The following MTUS1 variants were observed in gnomAD, a reference collection of about 807,000 sequenced individuals.
MTUS1 encodes the protein microtubule-associated tumor suppressor 1.
Under a neutral mutation model 120.8 loss-of-function variants are expected in MTUS1, and 109 were observed. That is an observed-to-expected ratio of 0.90 (90% CI 0.77 to 1.06). MTUS1 has a LOEUF of 1.06. MTUS1 is among the 50% of genes least tolerant of loss of function. MTUS1 has a pLI of 0.00. For missense variants in MTUS1, 2,210 were observed against 1,486.3 expected (o/e 1.49, Z -8.01); for synonymous variants, 737 against 550.5 (o/e 1.34, Z -4.74).
chr8:17,653,290 C>T lies in MTUS1; in HGVS notation c.3289-9G>A, dbSNP rs368921953. The T allele has an allele frequency of 3.9e-6, 6 of 1,537,768 alleles. No homozygotes were observed. The African/African-American group carries it at 5.6e-5, about 14-fold the overall frequency. Reference sequence around the variant, plus strand: ...AGATCATTGATTTGCTTCTAAAACACAATGAAATGTGGAACTTAAGTTAAC... The same window carrying T: ...AGATCATTGATTTGCTTCTAAAACATAATGAAATGTGGAACTTAAGTTAAC... On this transcript the variant is annotated splice_polypyrimidine_tract_variant and intron_variant, in intron 11 of 14. Transcript: ENST00000693296.
Position 17,647,038 on chromosome 8 carries a change from G to A in MTUS1, c.3543C>T (p.Phe1181=). 6.2e-7 allele frequency: 1 copy of A among 1,613,830 alleles called. No individual in the cohort carries two copies. Among genetic ancestry groups the A allele is most frequent in the Non-Finnish European group, 8.5e-7 (1 of 1,179,948 alleles). The part of the protein sequence containing the change: ...NTALVDKLKR[F]QQENEELKAR... ...CTTTCAATTCTTCATTCTCCTGCTG[G>A]AAACGCTTCAATTTGTCAACCAATG... The change falls in exon 14 of 15, where the codon TTC becomes TTT. Residue 1181 remains phenylalanine, a synonymous_variant. Transcript: ENST00000693296.
intron 1 of MTUS1, among the ~76,000 whole-genome samples, chr8:17,773,200 C>T (rs1466336224): frequency 2.0e-5 from 3 of 152,156 alleles, no homozygotes; most frequent in African/African-American, 7.2e-5. Flanking sequence ...AAATAAAAGA[C>T]TGTATTAAAC....
intron 3 of MTUS1, among the ~76,000 whole-genome samples, chr8:17,738,483 C>CA (rs2047083887): frequency 6.6e-6 from 1 of 152,190 alleles, no homozygotes; most frequent in Non-Finnish European, 1.5e-5. Context: ...GAAGGCGGGT[C>CA]TCTCTAAAGA....
rs191908235 is a variant in MTUS1, at chr8:17,759,096, T to A, written c.-154-3135A>T. 3.2e-3 allele frequency among the ~76,000 whole-genome samples: 488 copies of A among 151,786 alleles called. 4 individuals carry two copies. The highest frequency in any genetic ancestry group is 0.011 in the African/African-American group (463 of 41,404). On this transcript the variant is annotated intron_variant, in intron 1 of 14. Coordinates refer to ENST00000693296, the MANE Select transcript of MTUS1 (RefSeq NM_001363059.2). Reference sequence around the variant, plus strand: ...TGGTGTTCCACTGTGTTAGCCAGCATGGTCTTGATCTCCTGACCTCGTGAT... The same window carrying A: ...TGGTGTTCCACTGTGTTAGCCAGCAAGGTCTTGATCTCCTGACCTCGTGAT...
intron 1 of MTUS1, among the ~76,000 whole-genome samples, chr8:17,796,849 C>G (rs1420625178): frequency 5.3e-5 from 8 of 152,184 alleles, no homozygotes; most frequent in African/African-American, 1.9e-4. Flanking sequence ...CACAGCGGCT[C>G]ACGCTTGTAA....
intron 7 of MTUS1, among the ~76,000 whole-genome samples, chr8:17,676,840 C>T (rs1201317889): frequency 6.6e-6 from 1 of 152,188 alleles, no homozygotes; most frequent in Non-Finnish European, 1.5e-5. Context: ...AAGGGGCATG[C>T]TGTCGTTTAC....
chr8:17,754,497 T>G lies in MTUS1; in HGVS notation c.1311A>C (p.Lys437Asn), dbSNP rs939854867. Residue 437 changes from lysine to asparagine, a missense_variant, in exon 2 of 15, where the codon AAA becomes AAC. Coordinates refer to ENST00000693296, the MANE Select transcript of MTUS1 (RefSeq NM_001363059.2). Reference protein sequence around the residue: ...CMSTPVLEPTKVTFSVSPIEA... With the variant: ...CMSTPVLEPTNVTFSVSPIEA... ...CAATCGGTGAAACAGAAAAGGTTAC[T>G]TTTGTGGGTTCTAGGACTGGTGTTG... The G allele has an allele frequency of 6.2e-7, 1 of 1,614,250 alleles. No homozygotes were observed. Among genetic ancestry groups the G allele is most frequent in the African/African-American group, 1.3e-5 (1 of 75,064 alleles).
chr8:17,647,531 T>C (rs1000043443), intron 13 of MTUS1, among the ~76,000 whole-genome samples: 1 of 152,202 alleles, frequency 6.6e-6, no homozygotes, highest in Non-Finnish European at 1.5e-5. Flanking sequence ...TGGCAACGTT[T>C]ACTATGGACT....
At chr8:17,657,498 G>A (rs954717208) in intron 8 of MTUS1, among the ~76,000 whole-genome samples, 2 of 150,010 alleles carry the variant, frequency 1.3e-5, no homozygotes, top group Non-Finnish European at 3.0e-5. Flanking sequence ...AACCCGGGAG[G>A]CGGAGCTTGC....
Position 17,755,386 on chromosome 8 carries a change from T to G in MTUS1, c.422A>C (p.Lys141Thr). 1.9e-6 allele frequency: 3 copies of G among 1,614,196 alleles called. No homozygotes were observed. The highest frequency in any genetic ancestry group is 2.5e-6 in the Non-Finnish European group (3 of 1,180,020). ...SVEPSLPFVW[K>T]PNDNLNCAGY... ...TGCACAGTTCAAATTGTCATTAGGC[T>G]TCCACACAAAAGGCAAAGATGGCTC... is the stretch of plus-strand genomic sequence containing the variant. Residue 141 changes from lysine (K) to threonine (T), a missense_variant, in exon 2 of 15, where the codon AAG becomes ACG. Lys to Thr is a moderately conservative substitution (Grantham distance 78). Coordinates refer to ENST00000693296, the MANE Select transcript of MTUS1 (RefSeq NM_001363059.2).
At chr8:17,783,544 A>T (rs1168328749) in intron 1 of MTUS1, among the ~76,000 whole-genome samples, 1 of 152,174 alleles carries the variant, frequency 6.6e-6, no homozygotes, top group Admixed American at 6.6e-5. Flanking sequence ...ATAAAAAGAT[A>T]TGCAATGCGC....
intron 3 of MTUS1, among the ~76,000 whole-genome samples, chr8:17,734,736 C>A (rs2046814426): frequency 6.6e-6 from 1 of 152,192 alleles, no homozygotes; most frequent in East Asian, 1.9e-4. Context: ...CAAGGGTCTT[C>A]ACATGTTCAC....
At chr8:17,730,902 T>G (rs564907916) in intron 3 of MTUS1, among the ~76,000 whole-genome samples, 1 of 152,226 alleles carries the variant, frequency 6.6e-6, no homozygotes, top group Admixed American at 6.5e-5. Context: ...GGAGGATGGC[T>G]GCAAAAAATG....
chr8:17,799,652 T>C (rs2052522041), intron 1 of MTUS1, among the ~76,000 whole-genome samples: 1 of 152,142 alleles, frequency 6.6e-6, no homozygotes. Flanking sequence ...TCTAGAATCT[T>C]ATAATCCTAT....
chr8:17,711,474 C>G lies in MTUS1; in HGVS notation c.2623+1740G>C, dbSNP rs114504113. 5.8e-3 allele frequency among the ~76,000 whole-genome samples: 877 copies of G among 152,190 alleles called. 7 individuals carry two copies. The highest frequency in any genetic ancestry group is 0.02 in the African/African-American group (812 of 41,526). On this transcript the variant is annotated intron_variant, in intron 6 of 14. Coordinates refer to ENST00000693296, the MANE Select transcript of MTUS1 (RefSeq NM_001363059.2). Reference sequence around the variant, plus strand: ...CCAGCTTTTTTTTTTCTGCAGCTCCCTCACCTCTCTCAGCCTTCATACAAT... The same window carrying G: ...CCAGCTTTTTTTTTTCTGCAGCTCCGTCACCTCTCTCAGCCTTCATACAAT...
In MTUS1 at chr8:17,700,966, CAAT is replaced by C. The variant is rs561283683; in HGVS notation, c.2623+12245_2623+12247del. ...TTTTTTAAATCAGTGATTTAGAAAA[CAAT>C]GATGTCATGATTCTAGACAAGAATC... On this transcript the variant is annotated intron_variant, in intron 6 of 14. Transcript: ENST00000693296. Among the ~76,000 whole-genome samples, 148 of 152,100 alleles carry C rather than the reference CAAT, an allele frequency of 9.7e-4. 2 individuals carry two copies. The highest frequency in any genetic ancestry group is 3.4e-3 in the Middle Eastern group (1 of 294).
At chr8:17,729,984 CAAAAAAAAA>C (rs36018422) in intron 3 of MTUS1, among the ~76,000 whole-genome samples, 1 of 85,876 alleles carries the variant, frequency 1.2e-5, no homozygotes, top group African/African-American at 4.3e-5. Context: ...ATGCTATCAT[CAAAAAAAAA>C]AAAAAAAAAA....
At chr8:17,722,394 G>A (rs1585955978) in intron 4 of MTUS1, 1 of 983,804 alleles carries the variant, frequency 1.0e-6, no homozygotes, top group African/African-American at 1.7e-5. Context: ...GACAAAGAGA[G>A]CTTAAAATAA....
At chr8:17,646,711 T>C (rs1805866246) in intron 14 of MTUS1, among the ~76,000 whole-genome samples, 1 of 152,230 alleles carries the variant, frequency 6.6e-6, no homozygotes, top group African/African-American at 2.4e-5. Context: ...TATTTGGTTT[T>C]GTGTTGCTCT....
Sources: allele counts gnomAD v4.1 joint callset (sites outside exome capture counted in the v4.1 genomes callset), GRCh38; gene constraint gnomAD v4.1.1; transcripts MANE v1.5; gene names NCBI Gene and HGNC (gene_info 2026-07-23, HGNC 2026-07-21).